The following TSPAN5 variants were observed in gnomAD, a reference collection of about 807,000 sequenced individuals.
TSPAN5 encodes the protein tetraspanin-5.
Under a neutral mutation model 37.1 loss-of-function variants are expected in TSPAN5, and 10 were observed. That is an observed-to-expected ratio of 0.27 (90% CI 0.17 to 0.46). TSPAN5 has a LOEUF of 0.46. Among genes scored for constraint, TSPAN5 ranks in the 20% least tolerant of loss-of-function variants. The probability of loss-of-function intolerance (pLI) is 1.00; values close to 1 mark genes in which losing one functional copy is unlikely to be tolerated. For missense variants in TSPAN5, 195 were observed against 326.6 expected (o/e 0.60, Z 3.11); for synonymous variants, 110 against 118.9 (o/e 0.93, Z 0.48).
At chr4:98,550,756 A>G (rs772953452) in intron 1 of TSPAN5, among the ~76,000 whole-genome samples, 1 of 152,162 alleles carries the variant, frequency 6.6e-6, no homozygotes, top group Non-Finnish European at 1.5e-5. Flanking sequence ...GAATTGATTT[A>G]TCAAATCTAA....
chr4:98,606,629 A>G (rs768493321), intron 1 of TSPAN5, among the ~76,000 whole-genome samples: 4 of 152,220 alleles, frequency 2.6e-5, no homozygotes, highest in Non-Finnish European at 5.9e-5. Flanking sequence ...AAACGACAAA[A>G]AAGCTATTAT....
intron 2 of TSPAN5, among the ~76,000 whole-genome samples, chr4:98,503,649 A>T (rs940409037): frequency 3.9e-5 from 6 of 152,228 alleles, no homozygotes; most frequent in African/African-American, 1.2e-4. Flanking sequence ...ACCATTAAAC[A>T]TATATACACC....
chr4:98,498,172 G>C (rs894321009), intron 2 of TSPAN5, among the ~76,000 whole-genome samples: 1 of 152,148 alleles, frequency 6.6e-6, no homozygotes, highest in Admixed American at 6.5e-5. Context: ...ACCCTCACCA[G>C]AAACCAGCCA....
At chr4:98,506,873 A>C (rs1190968427) in intron 2 of TSPAN5, among the ~76,000 whole-genome samples, 2 of 152,192 alleles carry the variant, frequency 1.3e-5, no homozygotes, top group Non-Finnish European at 2.9e-5. Context: ...GAAGGAAGGA[A>C]AAAAGCTGGG....
In TSPAN5 at chr4:98,643,482, A is replaced by G. The variant is rs148675437; in HGVS notation, c.81+14664T>C. 3.1e-3 allele frequency among the ~76,000 whole-genome samples: 469 copies of G among 152,304 alleles called. 2 individuals are homozygous for G. Among genetic ancestry groups the G allele is most frequent in the Non-Finnish European group, 4.4e-3 (301 of 68,020 alleles). On this transcript the variant is annotated intron_variant, in intron 1 of 7. Transcript: ENST00000305798. ...CATCAAGGATATATATTGGTACTAT[A>G]TATTTTATATTTAAGTGGAATACAT...
At chr4:98,499,161 G>A (rs1042453290) in intron 2 of TSPAN5, among the ~76,000 whole-genome samples, 13 of 152,226 alleles carry the variant, frequency 8.5e-5, no homozygotes, top group Admixed American at 8.5e-4. Context: ...GCTTCACAAA[G>A]ACCAGGATAT....
chr4:98,634,845 G>T (rs995825033), intron 1 of TSPAN5, among the ~76,000 whole-genome samples: 3 of 152,252 alleles, frequency 2.0e-5, no homozygotes, highest in Admixed American at 6.5e-5. Flanking sequence ...ACTGGACAGA[G>T]TGGGAGAAGA....
intron 1 of TSPAN5, among the ~76,000 whole-genome samples, chr4:98,509,302 C>G (rs1166499960): frequency 1.3e-5 from 2 of 152,200 alleles, no homozygotes; most frequent in Non-Finnish European, 2.9e-5. Flanking sequence ...GACCTGCCCA[C>G]TGGGCAAGGG....
chr4:98,653,100 G>A (rs115345757), intron 1 of TSPAN5, among the ~76,000 whole-genome samples: 6 of 152,184 alleles, frequency 3.9e-5, no homozygotes, highest in African/African-American at 9.6e-5. Flanking sequence ...AATTCAAAAC[G>A]CAATTTAGAT....
At chr4:98,578,752 C>A (rs1273596401) in intron 1 of TSPAN5, among the ~76,000 whole-genome samples, 1 of 152,130 alleles carries the variant, frequency 6.6e-6, no homozygotes, top group Non-Finnish European at 1.5e-5. Context: ...AAACTCTGTG[C>A]AAATTGTCTT....
At chr4:98,590,563 A>T (rs1431401646) in intron 1 of TSPAN5, among the ~76,000 whole-genome samples, 1 of 152,102 alleles carries the variant, frequency 6.6e-6, no homozygotes, top group Non-Finnish European at 1.5e-5. Flanking sequence ...ACAAAAAATT[A>T]GCCAGGTGTG....
At chr4:98,610,841 C>T (rs192179085) in intron 1 of TSPAN5, among the ~76,000 whole-genome samples, 60 of 152,248 alleles carry the variant, frequency 3.9e-4, no homozygotes, top group Admixed American at 9.2e-4. Context: ...GCATCCTCCC[C>T]GCTACTCTTT....
intron 1 of TSPAN5, among the ~76,000 whole-genome samples, chr4:98,634,821 G>T (rs1467305457): frequency 6.6e-6 from 1 of 152,152 alleles, no homozygotes; most frequent in East Asian, 1.9e-4. Flanking sequence ...ATAATGAAAG[G>T]GATTATAAAC....
intron 1 of TSPAN5, among the ~76,000 whole-genome samples, chr4:98,537,436 G>A (rs1754260997): frequency 6.6e-6 from 1 of 152,106 alleles, no homozygotes; most frequent in South Asian, 2.1e-4. Flanking sequence ...GTTCCTATTC[G>A]GCCATCTTGC....
intron 1 of TSPAN5, among the ~76,000 whole-genome samples, chr4:98,517,370 A>G (rs1469533600): frequency 1.3e-5 from 2 of 152,070 alleles, no homozygotes; most frequent in African/African-American, 4.8e-5. Context: ...AAATCCACAG[A>G]ATGGTTCCTG....
chr4:98,517,698 T>G (rs1753765310), intron 1 of TSPAN5, among the ~76,000 whole-genome samples: 1 of 152,004 alleles, frequency 6.6e-6, no homozygotes, highest in Non-Finnish European at 1.5e-5. Context: ...TTCTTGGAAA[T>G]TACCCAAGCA....
At chr4:98,609,273 G>GA (rs1756123180) in intron 1 of TSPAN5, among the ~76,000 whole-genome samples, 1 of 152,056 alleles carries the variant, frequency 6.6e-6, no homozygotes, top group African/African-American at 2.4e-5. Flanking sequence ...GATTTGCTGG[G>GA]GGTGAGCTCT....
chr4:98,578,338 T>G (rs1350629316), intron 1 of TSPAN5, among the ~76,000 whole-genome samples: 1 of 152,242 alleles, frequency 6.6e-6, no homozygotes, highest in Non-Finnish European at 1.5e-5. Context: ...ATATTCAGTT[T>G]GTCTATTCAC....
rs183734771 is a variant in TSPAN5 at position 98,594,501 on chromosome 4, C to T, written c.81+63645G>A. Among the ~76,000 whole-genome samples, 107 of 55,066 alleles carry T rather than the reference C, an allele frequency of 1.9e-3. 40 individuals are homozygous for T. In the East Asian group the frequency reaches 0.04, roughly 21 times the overall value. The allele number at this position is 55,066 out of a possible 152,430, so 36.1% of individuals were successfully genotyped here. On this transcript the variant is annotated intron_variant, in intron 1 of 7. Coordinates refer to ENST00000305798, the MANE Select transcript of TSPAN5 (RefSeq NM_005723.4). ...GTTGAATAGGAGCCGTGAGAGAGGG[C>T]ATCCCCGTCTTGTGCCAGTTTTCAA...
Sources: allele counts gnomAD v4.1 joint callset (sites outside exome capture counted in the v4.1 genomes callset), GRCh38; gene constraint gnomAD v4.1.1; transcripts MANE v1.5; gene names NCBI Gene and HGNC (gene_info 2026-07-23, HGNC 2026-07-21).